Variants in SKAP2 observed in about 807,000 individuals in gnomAD.
SKAP2 encodes the protein src kinase-associated phosphoprotein 2.
In SKAP2, 28 loss-of-function variants were observed where a neutral mutation model predicts 54.9. The ratio of observed to expected loss-of-function variants is 0.51; its 90% CI spans 0.38 to 0.70. SKAP2 has a LOEUF of 0.70. SKAP2 is among the 30% of genes least tolerant of loss of function. The pLI is 0.00. For synonymous variants in SKAP2, 137 were observed against 134.3 expected (o/e 1.02, Z -0.14); for missense variants, 356 against 424.1 (o/e 0.84, Z 1.41).
intron 11 of SKAP2, among the ~76,000 whole-genome samples, chr7:26,671,514 TAGAG>T (rs1159899482): frequency 3.3e-5 from 5 of 152,024 alleles, no homozygotes; most frequent in African/African-American, 4.8e-5. Context: ...AGTCTATCAA[TAGAG>T]AGATTATAGG....
At chr7:26,659,462 ACAATTTATGCCCTTTTAT>A in the SKAP2 span, among the ~76,000 whole-genome samples, 1 of 152,190 alleles carries the variant, frequency 6.6e-6, no homozygotes, top group Non-Finnish European at 1.5e-5. Context: ...ACATAAAAAT[ACAATTTATGCCCTTTTAT>A]CAAGTGAAGA....
intron 6 of SKAP2, among the ~76,000 whole-genome samples, chr7:26,736,421 C>T (rs1407645885): frequency 2.7e-5 from 3 of 109,552 alleles, no homozygotes; most frequent in African/African-American, 1.1e-4. Flanking sequence ...AGGAAGTTAC[C>T]CTATATGGCT....
At chr7:26,840,590 C>T (rs1054323658) in intron 4 of SKAP2, among the ~76,000 whole-genome samples, 1 of 152,004 alleles carries the variant, frequency 6.6e-6, no homozygotes, top group Non-Finnish European at 1.5e-5. Flanking sequence ...CTAACTTTAT[C>T]TGATTACTGA....
intron 4 of SKAP2, among the ~76,000 whole-genome samples, chr7:26,826,464 A>G (rs1784496530): frequency 6.6e-6 from 1 of 152,192 alleles, no homozygotes; most frequent in Non-Finnish European, 1.5e-5. Flanking sequence ...TTTGTGCTTA[A>G]GCCAGTTTGA....
chr7:26,768,597 G>A (rs1364953119), intron 4 of SKAP2, among the ~76,000 whole-genome samples: 13 of 152,128 alleles, frequency 8.5e-5, no homozygotes, highest in Admixed American at 1.3e-4. Context: ...GGCTGGTACT[G>A]GTTTTTCCTT....
At chr7:26,717,742 A>G (rs1474897937) in intron 9 of SKAP2, among the ~76,000 whole-genome samples, 2 of 151,132 alleles carry the variant, frequency 1.3e-5, no homozygotes, top group South Asian at 2.1e-4. Flanking sequence ...TGAGGCAGGA[A>G]AATCACTTGA....
chr7:26,776,346 T>C (rs1783307252), intron 4 of SKAP2, among the ~76,000 whole-genome samples: 1 of 152,140 alleles, frequency 6.6e-6, no homozygotes, highest in South Asian at 2.1e-4. Flanking sequence ...CTGGCCAAGA[T>C]CTTTCTCTTA....
rs1562583758 is a variant in SKAP2 at position 26,712,164 on chromosome 7, AT to A, written c.796+13263del. 2.6e-5 allele frequency among the ~76,000 whole-genome samples: 4 copies of A among 152,148 alleles called. No homozygotes were observed. In the South Asian group the frequency reaches 8.3e-4, roughly 32 times the overall value. ...CGTTTCAAATTTCAGATTTTTTTGA[AT>A]TTTGGAACACTTGCATTATACTGGT... On this transcript the variant is annotated intron_variant, in intron 9 of 12. Coordinates refer to ENST00000345317, the MANE Select transcript of SKAP2 (RefSeq NM_003930.5).
chr7:26,659,630 G>A, the SKAP2 span, among the ~76,000 whole-genome samples: 139 of 152,076 alleles, frequency 9.1e-4, no homozygotes, highest in African/African-American at 3.2e-3. Context: ...CTGTTTTCTG[G>A]GCAATGCGGC....
intron 9 of SKAP2, among the ~76,000 whole-genome samples, chr7:26,705,649 C>T (rs1363848552): frequency 6.6e-6 from 1 of 152,160 alleles, no homozygotes; most frequent in East Asian, 1.9e-4. Flanking sequence ...ATTAAAAAAA[C>T]TCAACTAGAA....
intron 9 of SKAP2, among the ~76,000 whole-genome samples, chr7:26,723,562 G>C (rs989350671): frequency 6.6e-6 from 1 of 151,998 alleles, no homozygotes; most frequent in African/African-American, 2.4e-5. Context: ...GAGGAGGGGG[G>C]CAAGGAAGAA....
intron 4 of SKAP2, among the ~76,000 whole-genome samples, chr7:26,753,271 A>G (rs984770394): frequency 6.6e-6 from 1 of 152,204 alleles, no homozygotes; most frequent in Non-Finnish European, 1.5e-5. Flanking sequence ...CTGGAATTTG[A>G]GCAAGGGGAT....
intron 10 of SKAP2, among the ~76,000 whole-genome samples, chr7:26,688,492 T>C (rs1209732742): frequency 9.2e-5 from 14 of 152,152 alleles, no homozygotes; most frequent in Admixed American, 7.2e-4. Flanking sequence ...CTCAGCAAGA[T>C]AGTAATACCC....
intron 4 of SKAP2, among the ~76,000 whole-genome samples, chr7:26,819,090 A>T (rs1784330786): frequency 6.6e-6 from 1 of 152,202 alleles, no homozygotes; most frequent in South Asian, 2.1e-4. Flanking sequence ...CCAAAGGCTT[A>T]TAAATCATTC....
intron 6 of SKAP2, among the ~76,000 whole-genome samples, chr7:26,734,196 C>T (rs565579433): frequency 7.9e-5 from 12 of 152,290 alleles, no homozygotes; most frequent in Non-Finnish European, 1.6e-4. Flanking sequence ...TAGACTACTT[C>T]GAAGTCCTGC....
intron 11 of SKAP2, among the ~76,000 whole-genome samples, chr7:26,683,642 T>C (rs562278077): frequency 2.6e-5 from 4 of 152,250 alleles, no homozygotes; most frequent in Non-Finnish European, 4.4e-5. Flanking sequence ...ATCATGACTC[T>C]GGCATTTTCT....
In SKAP2 at chr7:26,849,860, CAAAT is replaced by C. The variant is rs756479116; in HGVS notation, c.199+4273_199+4276del. ...TCAAGATTAACTTAAATCTTCTTGA[CAAAT>C]GAAGTTGAATCTGAGAATATGCATT... On this transcript the variant is annotated intron_variant, in intron 3 of 12. Coordinates refer to ENST00000345317, the MANE Select transcript of SKAP2 (RefSeq NM_003930.5). 2.9e-3 allele frequency among the ~76,000 whole-genome samples: 443 copies of C among 152,200 alleles called. 4 individuals carry two copies. The highest frequency in any genetic ancestry group is 0.01 in the African/African-American group (424 of 41,546).
intron 9 of SKAP2, among the ~76,000 whole-genome samples, chr7:26,713,755 A>G (rs1284138782): frequency 1.3e-5 from 2 of 152,040 alleles, no homozygotes; most frequent in African/African-American, 4.8e-5. Flanking sequence ...GCCCGCCACC[A>G]CGCCCAGCTC....
intron 4 of SKAP2, among the ~76,000 whole-genome samples, chr7:26,755,438 C>A (rs1782769585): frequency 6.6e-6 from 1 of 151,802 alleles, no homozygotes; most frequent in Admixed American, 6.6e-5. Context: ...ATGGATGTCA[C>A]AATAGATAAT....
Sources: allele counts gnomAD v4.1 joint callset (sites outside exome capture counted in the v4.1 genomes callset), GRCh38; gene constraint gnomAD v4.1.1; transcripts MANE v1.5; gene names NCBI Gene and HGNC (gene_info 2026-07-23, HGNC 2026-07-21).